The following REG1B variants were observed in gnomAD, a reference collection of about 807,000 sequenced individuals.
The protein encoded by REG1B is lithostathine-1-beta.
Under a neutral mutation model 20.4 loss-of-function variants are expected in REG1B, and 21 were observed. The observed-to-expected ratio is 1.03, with a 90% CI of 0.73 to 1.48. REG1B has a LOEUF of 1.48. Ranked by LOEUF, REG1B falls within the 40% of genes most tolerant of loss-of-function variation. The pLI is 0.00. For missense variants in REG1B, 247 were observed against 197.2 expected, an observed-to-expected ratio of 1.25 and a Z score of -1.51; for synonymous variants, 82 against 73.4, an observed-to-expected ratio of 1.12 and a Z score of -0.60.
chr2:79,087,437 A>G, intron 2 of REG1B, 112 bp downstream of exon 2: 1 of 1,042,180 alleles, frequency 9.6e-7, no homozygotes, highest in Non-Finnish European at 1.4e-6. Context: ...TCACTGAACA[A>G]CATAAAAAAA....
At chr2:79,086,166 C>G in intron 4 of REG1B, 1 of 561,774 alleles carries the variant, frequency 1.8e-6, no homozygotes, top group Non-Finnish European at 3.1e-6. Context: ...ATTCCCAGAG[C>G]CCAGAAAATT....
intron 2 of REG1B, 35 bp from the exon 3 acceptor site, chr2:79,086,965 A>C (rs1465724494): frequency 1.3e-6 from 2 of 1,565,830 alleles, no homozygotes; most frequent in South Asian, 1.1e-5. Context: ...TTAAGAAAGA[A>C]TCGCAGGGCA....
intron 3 of REG1B, 40 bp from the exon 4 acceptor site, chr2:79,086,544 G>A: frequency 1.2e-6 from 2 of 1,609,212 alleles, no homozygotes; most frequent in Non-Finnish European, 1.7e-6. Context: ...GGAGAAGGAA[G>A]GTGTGAGGGA....
intron 2 of REG1B, 104 bp from the exon 3 acceptor site, chr2:79,087,034 A>T (rs1672411200): frequency 5.8e-6 from 5 of 860,862 alleles, no homozygotes; most frequent in Admixed American, 5.7e-5. Flanking sequence ...GAACATATGG[A>T]TACAGTGAAT....
rs372727754 is a variant in REG1B, at chr2:79,086,836, G to T, written c.159C>A (p.Asp53Glu). 5.0e-6 allele frequency: 8 copies of T among 1,613,976 alleles called. 1 individual carries two copies. In the South Asian group the frequency reaches 7.7e-5, roughly 16 times the overall value. The change falls in exon 3 of 6, where the codon GAC becomes GAA. Residue 53 changes from aspartate to glutamate, a missense_variant. Coordinates refer to ENST00000305089, the MANE Select transcript of REG1B (RefSeq NM_006507.4). ...YRSYCYYFNE[D>E]PETWVDADLY... ...CATCTGCATCAACCCAGGTCTCAGG[G>T]TCTTCATTAAAGTAGTAGCAGTAGG... is the stretch of plus-strand genomic sequence containing the variant.
At chr2:79,085,352 T>C (rs1258620377) in intron 5 of REG1B, 69 bp from the exon 6 acceptor site, 17 of 1,403,816 alleles carry the variant, frequency 1.2e-5, no homozygotes, top group Non-Finnish European at 1.7e-5. Flanking sequence ...AACCTAGGAC[T>C]CAGAACAAAA....
intron 3 of REG1B, 23 bp downstream of exon 3, chr2:79,086,789 C>T: frequency 6.2e-7 from 1 of 1,602,272 alleles, no homozygotes; most frequent in Non-Finnish European, 8.6e-7. Context: ...AGCCTCCCTT[C>T]CCCTGCTGCT....
chr2:79,085,951 A>AACAC (rs1672393419), intron 4 of REG1B: 5 of 262,326 alleles, frequency 1.9e-5, no homozygotes, highest in Admixed American at 5.0e-5. Flanking sequence ...TATTTAGTTT[A>AACAC]TAGTGTTAAA....
At chr2:79,087,902 A>G (rs1356266176) in intron 1 of REG1B, 57 bp downstream of exon 1, 5 of 318,256 alleles carry the variant, frequency 1.6e-5, no homozygotes, top group South Asian at 1.5e-4. Context: ...ATCTACCTCA[A>G]AATGAAAAGA....
rs756079059 is a variant in REG1B at position 79,085,072 on chromosome 2, A to C, written c.*144T>G. The C allele has an allele frequency of 1.0e-4, 66 of 657,052 alleles. No homozygotes were observed. Among genetic ancestry groups the C allele is most frequent in the Admixed American group, 3.7e-4 (14 of 38,022 alleles). The allele number at this position is 657,052 out of a possible 1,614,324, so 40.7% of individuals were successfully genotyped here. A position where few individuals can be genotyped will look rare whatever the true frequency, so the allele number is the denominator to read the frequency against. ...TTATTTTTCAGGGCTCTAGAGACTG[A>C]GACAGGTGAAGGTACTGAAGATCAG... On this transcript the variant is annotated 3_prime_UTR_variant, in exon 6 of 6. Coordinates refer to ENST00000305089, the MANE Select transcript of REG1B (RefSeq NM_006507.4).
At position 79,087,424 on chromosome 2, in the gene REG1B, T is replaced by C. The variant is rs1042247677; in HGVS notation, c.64+125A>G. 5.6e-6 allele frequency: 5 copies of C among 897,186 alleles called. No individual in the cohort carries two copies. The African/African-American group carries it at 8.5e-5, about 15-fold the overall frequency. 55.6% of individuals were successfully genotyped at this position (897,186 alleles called of 1,614,324 possible). A position where few individuals can be genotyped will look rare whatever the true frequency, so the allele number is the denominator to read the frequency against. On this transcript the variant is annotated intron_variant, in intron 2 of 5. Coordinates refer to ENST00000305089, the MANE Select transcript of REG1B (RefSeq NM_006507.4). ...TTGAATGGGATAAAATCAGCCATAA[T>C]GATCACTGAACAACATAAAAAAACC...
rs1672384167 is a variant in REG1B at position 79,085,480 on chromosome 2, T to C, written c.433+12A>G. 1.3e-6 allele frequency: 2 copies of C among 1,598,138 alleles called. No individual in the cohort carries two copies. Among genetic ancestry groups the C allele is most frequent in the Non-Finnish European group, 1.7e-6 (2 of 1,165,536 alleles). Reference sequence around the variant, plus strand: ...GAAATGGCAACAGGTGGATAGATTGTCTGCCTCTCACCTGAGCATGAAGTC... The same window carrying C: ...GAAATGGCAACAGGTGGATAGATTGCCTGCCTCTCACCTGAGCATGAAGTC... On this transcript the variant is annotated intron_variant, in intron 5 of 5. Transcript: ENST00000305089.
Position 79,085,220 on chromosome 2 carries a change from T to G in REG1B, c.497A>C (p.Asn166Thr). 1 of 1,611,958 alleles carries G rather than the reference T, an allele frequency of 6.2e-7. No individual in the cohort carries two copies. Among genetic ancestry groups the G allele is most frequent in the Non-Finnish European group, 8.5e-7 (1 of 1,178,102 alleles). The change falls in exon 6 of 6, where the codon AAC (asparagine) becomes ACC (threonine). Residue 166 changes from asparagine (N) to threonine (T), a missense_variant. By Grantham distance (65) the Asn-to-Thr change is moderately conservative (BLOSUM62 0). Transcript: ENST00000305089. ...ACATCCATTTTTCAGCTTCCTCTAG[T>G]TTTTGAACTTGCAAACAAAGGAGAA... ...KKFSFVCKFK[N>T]
Position 79,086,411 on chromosome 2 carries a change from T to C in REG1B, c.277A>G (p.Thr93Ala). The C allele has an allele frequency of 1.2e-6, 2 of 1,614,118 alleles. No homozygotes were observed. The highest frequency in any genetic ancestry group is 8.5e-7 in the Non-Finnish European group (1 of 1,179,984). Reference protein sequence around the residue: ...FVASLIKESSTDDSNVWIGLH... With the variant: ...FVASLIKESSADDSNVWIGLH... ...CCAATCCAGACATTGCTGTCATCAG[T>C]GCTACTCTCCTTAATCAGTGAGGCC... The change falls in exon 4 of 6, where the codon ACT becomes GCT. Residue 93 changes from threonine to alanine, a missense_variant. Coordinates refer to ENST00000305089, the MANE Select transcript of REG1B (RefSeq NM_006507.4).
intron 5 of REG1B, 49 bp downstream of exon 5, chr2:79,085,443 A>T: frequency 6.8e-7 from 1 of 1,475,810 alleles, no homozygotes; most frequent in South Asian, 1.1e-5. Context: ...ATCCCCAGAG[A>T]TAAGTGGGAA....
chr2:79,087,703 CA>C (rs1672420304), intron 1 of REG1B, 45 bp from the exon 2 acceptor site: 1 of 1,228,916 alleles, frequency 8.1e-7, no homozygotes, highest in African/African-American at 1.5e-5. Flanking sequence ...GAGAGCAGAG[CA>C]CCTGTTATCT....
At chr2:79,087,353 T>C in intron 2 of REG1B, 196 bp downstream of exon 2, 1 of 612,008 alleles carries the variant, frequency 1.6e-6, no homozygotes, top group East Asian at 2.8e-5. Context: ...CTATAAGTGG[T>C]CCTATTAAAT....
chr2:79,085,638 C>T (rs767584635), intron 4 of REG1B, 35 bp from the exon 5 acceptor site: 11 of 1,421,756 alleles, frequency 7.7e-6, no homozygotes, highest in Non-Finnish European at 1.1e-5. Flanking sequence ...GGGCCATGGT[C>T]ACTCAAAAAT....
At chr2:79,085,984 T>C in intron 4 of REG1B, 2 of 287,416 alleles carry the variant, frequency 7.0e-6, no homozygotes, top group Non-Finnish European at 1.3e-5. Flanking sequence ...CTGTACAGTT[T>C]TATACACTTG....
Sources: gnomAD v4.1 joint callset for allele counts on GRCh38, gnomAD v4.1.1 for gene constraint, MANE v1.5 for transcripts, NCBI Gene and HGNC (gene_info 2026-07-23, HGNC 2026-07-21) for gene names.